The following TMTC1 variants were observed in gnomAD, a reference collection of about 807,000 sequenced individuals.
TMTC1 encodes protein O-mannosyl-transferase TMTC1.
TMTC1 carries 73 observed loss-of-function variants against 104.8 expected under a neutral mutation model. The observed-to-expected ratio is 0.70, with a 90% CI of 0.58 to 0.85. The LOEUF (loss-of-function observed/expected upper bound fraction) is 0.85. Ranked by LOEUF, TMTC1 falls within the 40% of genes least tolerant of loss-of-function variation. The pLI is 0.00. For missense variants in TMTC1, 1,035 were observed against 1,096.1 expected, an observed-to-expected ratio of 0.94 and a Z score of 0.79; for synonymous variants, 434 against 428.7, an observed-to-expected ratio of 1.01 and a Z score of -0.15.
intron 5 of TMTC1, among the ~76,000 whole-genome samples, chr12:29,691,389 C>G (rs913003250): frequency 6.6e-6 from 1 of 152,104 alleles, no homozygotes; most frequent in Non-Finnish European, 1.5e-5. Context: ...AGCCCCTACC[C>G]GCCAGATTAT....
chr12:29,589,751 G>C (rs1946230871), intron 7 of TMTC1, among the ~76,000 whole-genome samples: 1 of 152,240 alleles, frequency 6.6e-6, no homozygotes, highest in African/African-American at 2.4e-5. Context: ...CGTGTCTAGT[G>C]AGCACTTCCT....
chr12:29,623,815 A>AAAT (rs1468617192), intron 6 of TMTC1, among the ~76,000 whole-genome samples: 3 of 57,724 alleles, frequency 5.2e-5, no homozygotes, highest in Non-Finnish European at 1.1e-4. Context: ...TCCGGCTCAA[A>AAAT]AATAAATAAA....
intron 5 of TMTC1, chr12:29,659,934 G>A (rs1393387056): frequency 6.5e-7 from 1 of 1,535,902 alleles, no homozygotes; most frequent in Non-Finnish European, 8.7e-7. Context: ...TGAAAAGAGG[G>A]GCATAGATCC....
chr12:29,572,957 G>A lies in TMTC1; in HGVS notation c.1419-739C>T, dbSNP rs564828489. Reference sequence around the variant, plus strand: ...CTCTACAAAACATGAGATGTAACATGCAGTGTCCTCTATTCTCTGTCTTCT... The same window carrying A: ...CTCTACAAAACATGAGATGTAACATACAGTGTCCTCTATTCTCTGTCTTCT... On this transcript the variant is annotated intron_variant, in intron 8 of 17. Transcript: ENST00000539277. Among the ~76,000 whole-genome samples the A allele has an allele frequency of 2.6e-5, 4 of 152,296 alleles. No homozygotes were observed. The East Asian group carries it at 5.8e-4, about 22-fold the overall frequency.
intron 11 of TMTC1, chr12:29,535,503 G>A (rs1944618095): frequency 6.6e-6 from 1 of 152,186 alleles, no homozygotes; most frequent in Non-Finnish European, 1.5e-5. Flanking sequence ...TAAGCCAACT[G>A]AATGCTGCCG....
chr12:29,569,021 GC>G, intron 9 of TMTC1: 1 of 455,500 alleles, frequency 2.2e-6, no homozygotes, highest in Non-Finnish European at 4.4e-6. Flanking sequence ...GCCCCTCACA[GC>G]AAAGCAAAGC....
intron 10 of TMTC1, among the ~76,000 whole-genome samples, chr12:29,547,106 A>G (rs1302588630): frequency 6.6e-6 from 1 of 152,166 alleles, no homozygotes; most frequent in Non-Finnish European, 1.5e-5. Context: ...CTTGCACTTG[A>G]CAAAGCAGTC....
chr12:29,709,806 T>C (rs1367340916), intron 5 of TMTC1, among the ~76,000 whole-genome samples: 1 of 152,226 alleles, frequency 6.6e-6, no homozygotes, highest in African/African-American at 2.4e-5. Context: ...TAAAAGGCTT[T>C]TAATAATTCG....
At chr12:29,632,366 C>T (rs957720748) in intron 6 of TMTC1, among the ~76,000 whole-genome samples, 6 of 152,054 alleles carry the variant, frequency 3.9e-5, no homozygotes, top group Non-Finnish European at 5.9e-5. Context: ...TCCCATAATC[C>T]CCATGTGTTG....
chr12:29,588,167 T>G (rs1946189458), intron 7 of TMTC1, among the ~76,000 whole-genome samples: 1 of 152,144 alleles, frequency 6.6e-6, no homozygotes, highest in South Asian at 2.1e-4. Flanking sequence ...ACCCATGTTC[T>G]CCAAACCCCC....
At chr12:29,642,916 C>A (rs1251005055) in intron 5 of TMTC1, among the ~76,000 whole-genome samples, 4 of 150,750 alleles carry the variant, frequency 2.7e-5, no homozygotes, top group Non-Finnish European at 5.9e-5. Flanking sequence ...CAGAGCGAGA[C>A]TCCATCTCAA....
At chr12:29,605,571 T>TAAAAAAAAAAAAAAAAAAAAAAAAAAAAA in intron 6 of TMTC1, among the ~76,000 whole-genome samples, 1 of 101,888 alleles carries the variant, frequency 9.8e-6, no homozygotes, top group Non-Finnish European at 2.0e-5. Flanking sequence ...CCAAAAAGGG[T>TAAAAAAAAAAAAAAAAAAAAAAAAAAAAA]AAAAAAAAAA....
intron 10 of TMTC1, among the ~76,000 whole-genome samples, chr12:29,555,695 G>C (rs1945225033): frequency 6.6e-6 from 1 of 152,156 alleles, no homozygotes; most frequent in African/African-American, 2.4e-5. Flanking sequence ...TGGTGTATAT[G>C]TGCCACATTT....
chr12:29,752,127 C>CAA (rs1423599201), intron 4 of TMTC1, among the ~76,000 whole-genome samples: 1 of 35,836 alleles, frequency 2.8e-5, no homozygotes, highest in African/African-American at 6.8e-5. Flanking sequence ...AGATGGCCAC[C>CAA]AACACACACA....
intron 5 of TMTC1, among the ~76,000 whole-genome samples, chr12:29,634,429 T>G (rs962450731): frequency 5.3e-5 from 8 of 152,130 alleles, no homozygotes; most frequent in Non-Finnish European, 7.4e-5. Flanking sequence ...CAGGGACCAA[T>G]GCTCTGTAAG....
chr12:29,538,359 T>C (rs1215505540), intron 10 of TMTC1, among the ~76,000 whole-genome samples: 1 of 152,156 alleles, frequency 6.6e-6, no homozygotes, highest in South Asian at 2.1e-4. Context: ...TCCCACTAAT[T>C]TGGCTATTAT....
intron 5 of TMTC1, among the ~76,000 whole-genome samples, chr12:29,644,727 A>T (rs2136570026): frequency 6.6e-6 from 1 of 152,080 alleles, no homozygotes; most frequent in Admixed American, 6.5e-5. Context: ...TTCATAATGG[A>T]GGCTGAGTGT....
intron 5 of TMTC1, among the ~76,000 whole-genome samples, chr12:29,643,310 A>G (rs1938951311): frequency 6.6e-6 from 1 of 150,952 alleles, no homozygotes; most frequent in Admixed American, 6.7e-5. Flanking sequence ...CCAGAACATA[A>G]GAAGTTATTA....
chr12:29,705,827 A>G (rs1299260818), intron 5 of TMTC1, among the ~76,000 whole-genome samples: 1 of 152,050 alleles, frequency 6.6e-6, no homozygotes, highest in Admixed American at 6.6e-5. Flanking sequence ...CCTCCCCTAC[A>G]CTAGGTCTAG....
Sources: allele counts gnomAD v4.1 joint callset (sites outside exome capture counted in the v4.1 genomes callset), GRCh38; gene constraint gnomAD v4.1.1; transcripts MANE v1.5; gene names NCBI Gene and HGNC (gene_info 2026-07-23, HGNC 2026-07-21).